Variants in TFAP2D observed in about 807,000 individuals in gnomAD.
The protein encoded by TFAP2D is transcription factor AP-2-delta.
A neutral mutation model predicts 43.6 loss-of-function variants in TFAP2D; 9 were observed. That is an observed-to-expected ratio of 0.21 (90% CI 0.12 to 0.36). The LOEUF (loss-of-function observed/expected upper bound fraction) is 0.36, where lower values mean the gene tolerates loss of function less well. Ranked by LOEUF, TFAP2D falls within the 10% of genes least tolerant of loss-of-function variation. TFAP2D has a pLI of 1.00. For missense variants in TFAP2D, 513 were observed against 561.4 expected (o/e 0.91, Z 0.87); for synonymous variants, 256 against 224.9 (o/e 1.14, Z -1.24).
intron 2 of TFAP2D, among the ~76,000 whole-genome samples, chr6:50,718,641 A>G (rs1158358511): frequency 1.3e-5 from 2 of 152,128 alleles, no homozygotes; most frequent in Non-Finnish European, 1.5e-5. Context: ...CAGAACCTCC[A>G]TAAGACATCT....
rs1350485713 is a variant in TFAP2D, at chr6:50,729,248, C to T, written c.819C>T (p.Gly273=). The T allele has an allele frequency of 5.0e-6, 8 of 1,613,956 alleles. No homozygotes were observed. The South Asian group carries it at 7.7e-5, about 16-fold the overall frequency. ...TGAGAGAGAAATTGGATAGGCTTGG[C>T]TTAAACTTACCAGCAGGAAGACGGA... is the stretch of plus-strand genomic sequence containing the variant. ...RCLREKLDRL[G]LNLPAGRRKA... The change falls in exon 5 of 8, where the codon GGC becomes GGT. Residue 273 remains glycine (G), a synonymous_variant. Transcript: ENST00000008391.
chr6:50,755,502 C>T (rs73737650), intron 7 of TFAP2D, among the ~76,000 whole-genome samples: 2,359 of 150,798 alleles, frequency 0.016, 57 homozygotes, highest in African/African-American at 0.052. Flanking sequence ...AGTTCTAGGG[C>T]TGGACTCAGG....
At chr6:50,730,689 C>T (rs980733777) in intron 5 of TFAP2D, among the ~76,000 whole-genome samples, 1 of 152,044 alleles carries the variant, frequency 6.6e-6, no homozygotes, top group African/African-American at 2.4e-5. Context: ...AGTTCTCAAA[C>T]CCAACTCCAC....
chr6:50,731,583 TGTC>T (rs1262808621), intron 5 of TFAP2D, among the ~76,000 whole-genome samples: 1 of 152,124 alleles, frequency 6.6e-6, no homozygotes, highest in Non-Finnish European at 1.5e-5. Context: ...CACAACTCAC[TGTC>T]GAGTCATGAG....
intron 7 of TFAP2D, among the ~76,000 whole-genome samples, chr6:50,752,150 A>G (rs1048781964): frequency 5.9e-5 from 9 of 151,958 alleles, no homozygotes; most frequent in African/African-American, 2.2e-4. Flanking sequence ...CATGAAATGT[A>G]TTATTGGAGT....
At chr6:50,756,390 T>A (rs1173691328) in intron 7 of TFAP2D, among the ~76,000 whole-genome samples, 1 of 152,070 alleles carries the variant, frequency 6.6e-6, no homozygotes, top group Non-Finnish European at 1.5e-5. Flanking sequence ...ATTAACACCA[T>A]CAACTTGTGT....
At chr6:50,761,319 T>C (rs189419031) in intron 7 of TFAP2D, among the ~76,000 whole-genome samples, 15 of 152,034 alleles carry the variant, frequency 9.9e-5, no homozygotes, top group African/African-American at 3.4e-4. Flanking sequence ...TTTAGTCAAA[T>C]TGCTTAAATG....
At chr6:50,768,850 T>G (rs1769481465) in intron 7 of TFAP2D, among the ~76,000 whole-genome samples, 1 of 152,132 alleles carries the variant, frequency 6.6e-6, no homozygotes. Context: ...ATGACTTTTT[T>G]TTATATTGAA....
At position 50,772,564 on chromosome 6, in the gene TFAP2D, T is replaced by C. The variant is rs1769544384; in HGVS notation, c.1140-81T>C. ...TGAATACCTGTTTAATTGAATGTTC[T>C]GAATTATATGGAGAGATTTGCTATT... On this transcript the variant is annotated intron_variant, in intron 7 of 7. Coordinates refer to ENST00000008391, the MANE Select transcript of TFAP2D (RefSeq NM_172238.4). The C allele has an allele frequency of 3.2e-6, 4 of 1,247,566 alleles. No homozygotes were observed. In the Admixed American group the frequency reaches 5.4e-5, roughly 17 times the overall value. The allele number at this position is 1,247,566 out of a possible 1,614,324, so 77.3% of individuals were successfully genotyped here. A position where few individuals can be genotyped will look rare whatever the true frequency, so the allele number is the denominator to read the frequency against.
At chr6:50,746,747 T>TG (rs1244877117) in intron 6 of TFAP2D, among the ~76,000 whole-genome samples, 1 of 152,188 alleles carries the variant, frequency 6.6e-6, no homozygotes, top group Non-Finnish European at 1.5e-5. Flanking sequence ...AAGGAGTATA[T>TG]GGGATACTTG....
At chr6:50,762,929 G>A (rs1002929573) in intron 7 of TFAP2D, among the ~76,000 whole-genome samples, 24 of 152,018 alleles carry the variant, frequency 1.6e-4, no homozygotes, top group Admixed American at 8.5e-4. Context: ...CTCTAAGTCC[G>A]CCTAGCTATG....
chr6:50,736,594 G>T (rs1381063284), intron 5 of TFAP2D, among the ~76,000 whole-genome samples: 2 of 151,882 alleles, frequency 1.3e-5, no homozygotes, highest in African/African-American at 2.4e-5. Flanking sequence ...AAAATTATTT[G>T]CAAGCTTTCT....
At chr6:50,767,637 A>G (rs1561942517) in intron 7 of TFAP2D, among the ~76,000 whole-genome samples, 1 of 152,114 alleles carries the variant, frequency 6.6e-6, no homozygotes, top group Non-Finnish European at 1.5e-5. Flanking sequence ...TCCCTTTTTC[A>G]TCAGTATCAT....
At chr6:50,737,245 T>C (rs1354359258) in intron 5 of TFAP2D, among the ~76,000 whole-genome samples, 1 of 152,178 alleles carries the variant, frequency 6.6e-6, no homozygotes, top group Non-Finnish European at 1.5e-5. Context: ...GGCTAGATTA[T>C]AGGAAAGAGC....
chr6:50,747,367 C>G (rs954995690), intron 6 of TFAP2D, among the ~76,000 whole-genome samples: 3 of 152,098 alleles, frequency 2.0e-5, no homozygotes, highest in African/African-American at 4.8e-5. Context: ...CATAGCATAT[C>G]ATCCTAGCTG....
chr6:50,754,590 C>G (rs1769239843), intron 7 of TFAP2D, among the ~76,000 whole-genome samples: 1 of 151,918 alleles, frequency 6.6e-6, no homozygotes, highest in Admixed American at 6.6e-5. Flanking sequence ...CTACCATTTT[C>G]CATAGCAGCT....
chr6:50,744,698 G>T (rs1201244173), intron 5 of TFAP2D, among the ~76,000 whole-genome samples: 2 of 152,082 alleles, frequency 1.3e-5, no homozygotes, highest in Non-Finnish European at 2.9e-5. Context: ...AAAAACATCT[G>T]AATAGTTTAG....
intron 3 of TFAP2D, among the ~76,000 whole-genome samples, chr6:50,721,895 G>T (rs1281235131): frequency 6.6e-6 from 1 of 152,144 alleles, no homozygotes; most frequent in East Asian, 1.9e-4. Context: ...CCCAAATGAT[G>T]TTCTTGAAGA....
intron 6 of TFAP2D, 138 bp downstream of exon 6, chr6:50,745,386 T>C: frequency 7.9e-7 from 1 of 1,259,702 alleles, no homozygotes; most frequent in South Asian, 1.4e-5. Context: ...GCTAGATATA[T>C]TAAACAAGGA....
Sources: allele counts gnomAD v4.1 joint callset (sites outside exome capture counted in the v4.1 genomes callset), GRCh38; gene constraint gnomAD v4.1.1; transcripts MANE v1.5; gene names NCBI Gene and HGNC (gene_info 2026-07-23, HGNC 2026-07-21).